IGFN1: variants seen among roughly 807,000 people sequenced by gnomAD.
IGFN1 encodes immunoglobulin like and fibronectin type III domain containing 1, also known as immunoglobulin-like and fibronectin type III domain-containing protein 1.
Under a neutral mutation model 289.5 loss-of-function variants are expected in IGFN1, and 253 were observed. The ratio of observed to expected loss-of-function variants is 0.87; its 90% CI spans 0.79 to 0.97. The LOEUF (loss-of-function observed/expected upper bound fraction) is 0.97, where lower values mean the gene tolerates loss of function less well. Ranked by LOEUF, IGFN1 falls within the 50% of genes least tolerant of loss-of-function variation. IGFN1 has a pLI of 0.00. For synonymous variants in IGFN1, 1,706 were observed against 1,788.5 expected, an observed-to-expected ratio of 0.95 and a Z score of 1.16; for missense variants, 4,470 against 4,686.1, an observed-to-expected ratio of 0.95 and a Z score of 1.35.
At chr1:201,217,202 G>T in intron 16 of IGFN1, 85 bp from the exon 17 acceptor site, 1 of 1,226,052 alleles carries the variant, frequency 8.2e-7, no homozygotes, top group African/African-American at 1.5e-5. Context: ...TGTCCCAGAT[G>T]CCTGTGCCCC....
At position 201,208,960 on chromosome 1, in the gene IGFN1, G is replaced by A. The variant is rs1334533167; in HGVS notation, c.4067G>A (p.Ser1356Asn). The change falls in exon 12 of 24, where the codon AGC (serine) becomes AAC (asparagine). Residue 1356 changes from serine (S) to asparagine (N), a missense_variant. This residue lies in a region of IGFN1 where 2,011 missense variants were observed against 1,953.4 expected (regional missense o/e 1.03). Coordinates refer to ENST00000335211, the MANE Select transcript of IGFN1 (RefSeq NM_001164586.2). ...GATTCCAGGGAAGCGGGTTCAGGGA[G>A]CAAGGCAGATTATAGCGGTGGTTTA... ...LQDSREAGSG[S>N]KADYSGGLKG... The A allele has an allele frequency of 6.5e-7, 1 of 1,535,954 alleles. No individual in the cohort carries two copies. Among genetic ancestry groups the A allele is most frequent in the Non-Finnish European group, 8.7e-7 (1 of 1,146,604 alleles).
At chr1:201,192,045 C>T (rs1318579051) in intron 1 of IGFN1, among the ~76,000 whole-genome samples, 1 of 152,220 alleles carries the variant, frequency 6.6e-6, no homozygotes, top group Non-Finnish European at 1.5e-5. Context: ...GGTCCTCATC[C>T]GTTGGTGGCT....
intron 7 of IGFN1, among the ~76,000 whole-genome samples, chr1:201,199,855 T>C (rs1667072246): frequency 6.6e-6 from 1 of 151,964 alleles, no homozygotes. Flanking sequence ...ATTTCAAAGC[T>C]CTATATCCTT....
intron 3 of IGFN1, among the ~76,000 whole-genome samples, chr1:201,194,941 A>G (rs1666830449): frequency 6.6e-6 from 1 of 152,202 alleles, no homozygotes; most frequent in Non-Finnish European, 1.5e-5. Context: ...ATTGCTGTCT[A>G]CTGAGATGTT....
chr1:201,198,807 A>G (rs1020740474), intron 5 of IGFN1, among the ~76,000 whole-genome samples: 1 of 152,242 alleles, frequency 6.6e-6, no homozygotes, highest in Non-Finnish European at 1.5e-5. Flanking sequence ...TCACATGAGC[A>G]CTGCTAGTTG....
At position 201,196,406 on chromosome 1, in the gene IGFN1, G is replaced by A. The variant is rs185303550; in HGVS notation, c.267+428G>A. ...GTCGCCCAGGCTGGAGTGCAATGGC[G>A]TGATCTTGGTTCTCTGCAACCTCCA... On this transcript the variant is annotated intron_variant, in intron 4 of 23. Transcript: ENST00000335211. Among the ~76,000 whole-genome samples the A allele has an allele frequency of 2.5e-4, 38 of 152,348 alleles. No individual in the cohort carries two copies. The South Asian group carries it at 4.4e-3, about 17-fold the overall frequency.
At chr1:201,220,032 C>T (rs560351857) in intron 18 of IGFN1, among the ~76,000 whole-genome samples, 87 of 149,668 alleles carry the variant, frequency 5.8e-4, no homozygotes, top group Non-Finnish European at 9.0e-4. Context: ...CTTCCTCCCT[C>T]CCTGTCTTCT....
rs758541760 is a variant in IGFN1 at position 201,208,695 on chromosome 1, C to G, written c.3802C>G (p.Pro1268Ala). The change falls in exon 12 of 24, where the codon CCA (proline) becomes GCA (alanine). Residue 1268 changes from proline to alanine, a missense_variant. By Grantham distance (27) the Pro-to-Ala change is conservative. This residue lies in a region of IGFN1 where 2,011 missense variants were observed against 1,953.4 expected (regional missense o/e 1.03). Coordinates refer to ENST00000335211, the MANE Select transcript of IGFN1 (RefSeq NM_001164586.2). ...CCAAGGAATGGGATCAGCAGATGGG[C>G]CAGGTTGTAGGAAGGGTATTGGGAG... is the stretch of plus-strand genomic sequence containing the variant. ...GLQGMGSADG[P>A]GCRKGIGSSG... The G allele has an allele frequency of 6.5e-7, 1 of 1,536,762 alleles. No homozygotes were observed.
In IGFN1 at chr1:201,214,277, C is replaced by G. The variant is rs1279189451; in HGVS notation, c.8829C>G (p.Gly2943=). The G allele has an allele frequency of 6.2e-7, 1 of 1,611,912 alleles. No homozygotes were observed. The highest frequency in any genetic ancestry group is 1.7e-5 in the Admixed American group (1 of 59,914). Residue 2943 remains glycine (G), a synonymous_variant, in exon 13 of 24, where the codon GGC becomes GGG. Transcript: ENST00000335211. ...SCTLTSDLGP[G]TWFKDGVKLT... ...CCCTCACCAGTGACCTGGGACCTGG[C>G]ACCTGGTTTAAGGATGGCGTCAAGG...
intron 6 of IGFN1, 98 bp from the exon 7 acceptor site, chr1:201,199,511 A>T: frequency 7.0e-7 from 1 of 1,434,628 alleles, no homozygotes; most frequent in Non-Finnish European, 9.6e-7. Flanking sequence ...AGCCCCTTCC[A>T]AAGGCTCAGT....
Position 201,208,154 on chromosome 1 carries a change from T to C in IGFN1, c.3261T>C (p.Gly1087=). The change falls in exon 12 of 24, where the codon GGT becomes GGC. Residue 1087 remains glycine, a synonymous_variant. Transcript: ENST00000335211. ...LGSPGVTGSA[G]RGGLKAPGVV... is the part of the protein sequence containing the mutation. ...GTCCTGGGGTGACAGGGTCTGCGGG[T>C]AGAGGTGGTCTCAAGGCCCCTGGAG... is the stretch of plus-strand genomic sequence containing the variant. 2 of 1,536,588 alleles carry C rather than the reference T, an allele frequency of 1.3e-6. No individual in the cohort carries two copies. Among genetic ancestry groups the C allele is most frequent in the Non-Finnish European group, 1.7e-6 (2 of 1,146,754 alleles).
rs1157472801 is a variant in IGFN1 at position 201,226,131 on chromosome 1, G to A, written c.10786+8G>A. The A allele has an allele frequency of 6.4e-7, 1 of 1,571,870 alleles. No homozygotes were observed. Among genetic ancestry groups the A allele is most frequent in the Non-Finnish European group, 8.6e-7 (1 of 1,157,796 alleles). The stretch of plus-strand genomic sequence containing the variant: ...GCATCCCCCGGCAGCGCGGTAAGCA[G>A]CCCCTGAGAGGGAGGAGCAGGCAGG... On this transcript the variant is annotated splice_region_variant and intron_variant, in intron 22 of 23. Coordinates refer to ENST00000335211, the MANE Select transcript of IGFN1 (RefSeq NM_001164586.2).
At chr1:201,193,951 A>T (rs1666770348) in intron 2 of IGFN1, among the ~76,000 whole-genome samples, 1 of 152,122 alleles carries the variant, frequency 6.6e-6, no homozygotes, top group African/African-American at 2.4e-5. Flanking sequence ...ACACTGCCAG[A>T]GTGTGTGCCA....
At position 201,208,171 on chromosome 1, in the gene IGFN1, C is replaced by T. The variant is rs1226109947; in HGVS notation, c.3278C>T (p.Ala1093Val). 2.3e-5 allele frequency: 35 copies of T among 1,536,798 alleles called. No individual in the cohort carries two copies. The highest frequency in any genetic ancestry group is 2.9e-5 in the Non-Finnish European group (33 of 1,146,846). ...TCTGCGGGTAGAGGTGGTCTCAAGG[C>T]CCCTGGAGTAGTGGAGACTGTTGGG... ...TGSAGRGGLK[A>V]PGVVETVGMG... is the part of the protein sequence containing the mutation. The change falls in exon 12 of 24, where the codon GCC becomes GTC. Residue 1093 changes from alanine to valine, a missense_variant. By Grantham distance (64) the Ala-to-Val change is moderately conservative (BLOSUM62 0). Transcript: ENST00000335211.
At chr1:201,196,170 T>C (rs1666910392) in intron 4 of IGFN1, among the ~76,000 whole-genome samples, 192 bp downstream of exon 4, 1 of 152,248 alleles carries the variant, frequency 6.6e-6, no homozygotes, top group Non-Finnish European at 1.5e-5. Context: ...CAGATACCTC[T>C]GCTGATAACC....
intron 5 of IGFN1, among the ~76,000 whole-genome samples, chr1:201,198,202 C>G (rs763407716): frequency 1.3e-5 from 2 of 152,220 alleles, no homozygotes; most frequent in Non-Finnish European, 2.9e-5. Flanking sequence ...GTGGCACAAT[C>G]TCACCTCACT....
chr1:201,191,844 G>T (rs1666669956), intron 1 of IGFN1, among the ~76,000 whole-genome samples: 1 of 152,168 alleles, frequency 6.6e-6, no homozygotes, highest in Non-Finnish European at 1.5e-5. Context: ...TGAGTAACAG[G>T]ATGATAGCTG....
Position 201,208,880 on chromosome 1 carries a change from G to T in IGFN1, c.3987G>T (p.Gly1329=). The T allele has an allele frequency of 6.5e-7, 1 of 1,536,528 alleles. No individual in the cohort carries two copies. The highest frequency in any genetic ancestry group is 8.7e-7 in the Non-Finnish European group (1 of 1,146,750). The change falls in exon 12 of 24, where the codon GGG becomes GGT. Residue 1329 remains glycine, a synonymous_variant. Transcript: ENST00000335211. The stretch of plus-strand genomic sequence containing the variant: ...AAGCAGGTTATAGGAAAGATTTAGG[G>T]GCTCCTGAGGGAATAAGTTCAGGGA... The part of the protein sequence containing the change: ...MDEAGYRKDL[G]APEGISSGSK...
chr1:201,200,008 G>T (rs987534127), intron 7 of IGFN1, among the ~76,000 whole-genome samples: 1 of 151,994 alleles, frequency 6.6e-6, no homozygotes, highest in African/African-American at 2.4e-5. Context: ...TACAATACAA[G>T]TTGTCAGGAG....
Sources: gnomAD v4.1 joint callset for allele counts (sites outside exome capture counted in the v4.1 genomes callset) on GRCh38, gnomAD v4.1.1 for gene constraint, gnomAD v4.1.1 regional missense constraint, MANE v1.5 for transcripts, NCBI Gene and HGNC (gene_info 2026-07-23, HGNC 2026-07-21) for gene names.